IL17RA: variants seen among roughly 807,000 people sequenced by gnomAD.
The protein encoded by IL17RA is interleukin-17 receptor A.
Under a neutral mutation model 50.4 loss-of-function variants are expected in IL17RA, and 34 were observed. The observed-to-expected ratio is 0.67, with a 90% confidence interval of 0.51 to 0.90. The LOEUF (loss-of-function observed/expected upper bound fraction) is 0.90, where lower values mean the gene tolerates loss of function less well. Among genes scored for constraint, IL17RA ranks in the 40% least tolerant of loss-of-function variants. The pLI, the probability that IL17RA is intolerant of heterozygous loss-of-function variation, is 0.00. For missense variants in IL17RA, 1,276 were observed against 1,169.8 expected (o/e 1.09, Z -1.32); for synonymous variants, 585 against 510.4 (o/e 1.15, Z -1.97).
chr22:17,091,822 G>T (rs1191530542), intron 1 of IL17RA, among the ~76,000 whole-genome samples: 1 of 152,068 alleles, frequency 6.6e-6, no homozygotes, highest in Non-Finnish European at 1.5e-5. Flanking sequence ...GGTCTTCGTT[G>T]TTGTTTTTGT....
rs1416867943 is a variant in IL17RA, at chr22:17,109,211, C to T, written c.1992C>T (p.Pro664=). The change falls in exon 13 of 13, where the codon CCC becomes CCT. Residue 664 remains proline (P), a synonymous_variant. Transcript: ENST00000319363. ...CCCGGGGTCAGCCAGCGCCGCAGCC[C>T]CTCCACACCCTGGTGCTCGCCGCAG... ...LQPRGQPAPQ[P]LHTLVLAAEE... is the part of the protein sequence containing the mutation. The T allele has an allele frequency of 6.7e-7, 1 of 1,502,618 alleles. No homozygotes were observed. The highest frequency in any genetic ancestry group is 2.5e-5 in the East Asian group (1 of 40,716). 93.1% of individuals were successfully genotyped at this position (1,502,618 alleles called of 1,614,324 possible).
At chr22:17,088,789 A>AT (rs1455680155) in intron 1 of IL17RA, among the ~76,000 whole-genome samples, 4 of 147,636 alleles carry the variant, frequency 2.7e-5, no homozygotes, top group African/African-American at 5.0e-5. Context: ...CACCTGGCCA[A>AT]TTTTTTTATT....
chr22:17,097,024 T>G (rs746937510), intron 1 of IL17RA, 38 bp from the exon 2 acceptor site: 1 of 1,603,172 alleles, frequency 6.2e-7, no homozygotes, highest in Non-Finnish European at 8.5e-7. Flanking sequence ...AATTCAAGCC[T>G]TTTCCCAGCT....
chr22:17,087,842 G>A (rs545177685), intron 1 of IL17RA, among the ~76,000 whole-genome samples: 9 of 152,212 alleles, frequency 5.9e-5, no homozygotes, highest in Non-Finnish European at 1.2e-4. Flanking sequence ...ATGTTAACAC[G>A]TAATTTCATA....
In IL17RA at chr22:17,108,962, T is replaced by A; in HGVS notation, c.1743T>A (p.Cys581Ter). Reference protein sequence around the residue: ...LDRFRDWQVRCPDWFECENLY... With the variant: ...LDRFRDWQVR Reference sequence around the variant, plus strand: ...GGTTCCGGGACTGGCAGGTCCGCTGTCCCGACTGGTTCGAATGTGAGAACC... The same window carrying A: ...GGTTCCGGGACTGGCAGGTCCGCTGACCCGACTGGTTCGAATGTGAGAACC... The change falls in exon 13 of 13, where the codon TGT becomes TGA. Residue 581 changes from cysteine (C) to a stop codon, truncating the protein, a stop_gained. Transcript: ENST00000319363. LOFTEE classifies it low-confidence loss of function (END_TRUNC). 1 of 1,606,914 alleles carries A rather than the reference T, an allele frequency of 6.2e-7. No homozygotes were observed. The highest frequency in any genetic ancestry group is 8.5e-7 in the Non-Finnish European group (1 of 1,178,854).
At chr22:17,107,085 G>A (rs6518661) in intron 11 of IL17RA, among the ~76,000 whole-genome samples, 53,216 of 152,070 alleles carry the variant, frequency 0.35, 9,841 homozygotes, top group Middle Eastern at 0.46. Context: ...AACCCCCGCA[G>A]AGCAGTTTTT....
At chr22:17,085,575 C>T (rs1194814504) in intron 1 of IL17RA, among the ~76,000 whole-genome samples, 1 of 152,018 alleles carries the variant, frequency 6.6e-6, no homozygotes, top group Non-Finnish European at 1.5e-5. Flanking sequence ...GCCGGAGGGG[C>T]GGCCAGGGCT....
intron 1 of IL17RA, among the ~76,000 whole-genome samples, chr22:17,086,869 T>A (rs1245302376): frequency 6.6e-6 from 1 of 152,108 alleles, no homozygotes. Context: ...GTCTGTGTAA[T>A]AGGACAGTGA....
intron 1 of IL17RA, among the ~76,000 whole-genome samples, chr22:17,087,996 A>G (rs2061334284): frequency 6.6e-6 from 1 of 152,210 alleles, no homozygotes; most frequent in African/African-American, 2.4e-5. Context: ...TCCAGAGGCT[A>G]CAAAGTTGTG....
At chr22:17,094,805 C>T (rs530900694) in intron 1 of IL17RA, among the ~76,000 whole-genome samples, 1 of 148,176 alleles carries the variant, frequency 6.7e-6, no homozygotes, top group African/African-American at 2.5e-5. Context: ...CCTCTCTCAT[C>T]AACACATTCC....
At chr22:17,098,155 T>C (rs1357323460) in intron 3 of IL17RA, among the ~76,000 whole-genome samples, 1 of 152,176 alleles carries the variant, frequency 6.6e-6, no homozygotes, top group Non-Finnish European at 1.5e-5. Context: ...CCATTCTTCA[T>C]GAAAGGACTT....
chr22:17,103,822 GGA>G (rs2061401514), intron 8 of IL17RA, among the ~76,000 whole-genome samples: 2 of 144,042 alleles, frequency 1.4e-5, no homozygotes, highest in African/African-American at 2.6e-5. Flanking sequence ...GTGCACAGGT[GGA>G]GAGAGTGGTG....
intron 1 of IL17RA, among the ~76,000 whole-genome samples, chr22:17,091,973 T>C (rs936850358): frequency 2.6e-5 from 4 of 152,198 alleles, no homozygotes; most frequent in East Asian, 1.9e-4. Flanking sequence ...TAATGATTCA[T>C]TGGTGGCTGG....
intron 11 of IL17RA, among the ~76,000 whole-genome samples, chr22:17,106,344 G>A (rs190004817): frequency 6.7e-4 from 102 of 152,282 alleles, no homozygotes; most frequent in African/African-American, 2.4e-3. Flanking sequence ...GGTCAGCATC[G>A]GGTGATAGAG....
At chr22:17,091,020 C>T (rs979494187) in intron 1 of IL17RA, among the ~76,000 whole-genome samples, 6 of 152,226 alleles carry the variant, frequency 3.9e-5, no homozygotes, top group Non-Finnish European at 8.8e-5. Context: ...TCTCCAGCCC[C>T]AGCAAGGTCT....
Position 17,107,779 on chromosome 22 carries a change from C to T in IL17RA, c.1087+11C>T. 6.2e-7 allele frequency: 1 copy of T among 1,612,818 alleles called. No individual in the cohort carries two copies. Among genetic ancestry groups the T allele is most frequent in the Non-Finnish European group, 8.5e-7 (1 of 1,178,790 alleles). On this transcript the variant is annotated intron_variant, in intron 12 of 12. Coordinates refer to ENST00000319363, the MANE Select transcript of IL17RA (RefSeq NM_014339.7). The stretch of plus-strand genomic sequence containing the variant: ...ACACCAAATACACCGGTCAGTATTT[C>T]CTGGTTTGCATGTTTGCTTATTTTT...
Position 17,109,002 on chromosome 22 carries a change from G to A in IL17RA, c.1783G>A (p.Asp595Asn). ...FECENLYSAD[D>N]QDAPSLDEEV... ...ATGTGAGAACCTCTACTCAGCAGAT[G>A]ACCAGGATGCCCCGTCCCTGGACGA... Residue 595 changes from aspartate to asparagine, a missense_variant, in exon 13 of 13, where the codon GAC (aspartate) becomes AAC (asparagine). Coordinates refer to ENST00000319363, the MANE Select transcript of IL17RA (RefSeq NM_014339.7). The A allele has an allele frequency of 6.2e-7, 1 of 1,601,134 alleles. No homozygotes were observed. The highest frequency in any genetic ancestry group is 8.5e-7 in the Non-Finnish European group (1 of 1,179,204).
intron 4 of IL17RA, 74 bp downstream of exon 4, chr22:17,098,961 A>AT (rs2061379730): frequency 1.6e-6 from 2 of 1,255,138 alleles, no homozygotes. Context: ...CCAAATTCAG[A>AT]CCCTGATTTA....
At chr22:17,094,673 C>CATGTG (rs2061360629) in intron 1 of IL17RA, among the ~76,000 whole-genome samples, 1 of 47,850 alleles carries the variant, frequency 2.1e-5, no homozygotes, top group Non-Finnish European at 4.0e-5. Flanking sequence ...CTCTCTCTCT[C>CATGTG]TCTCTCTCTC....
Sources: gnomAD v4.1 joint callset for allele counts (sites outside exome capture counted in the v4.1 genomes callset) on GRCh38, gnomAD v4.1.1 for gene constraint, MANE v1.5 for transcripts, NCBI Gene and HGNC (gene_info 2026-07-23, HGNC 2026-07-21) for gene names.